CUBN: variants seen among roughly 807,000 people sequenced by gnomAD.
CUBN encodes cubilin, also known as 460 kDa receptor.
In CUBN, 282 loss-of-function variants were observed where a neutral mutation model predicts 405.3. That is an observed-to-expected ratio of 0.70 (90% confidence interval 0.63 to 0.77). CUBN has a LOEUF of 0.77. Ranked by LOEUF, CUBN falls within the 30% of genes least tolerant of loss-of-function variation. CUBN has a pLI of 0.00. For synonymous variants in CUBN, 1,684 were observed against 1,617.0 expected (o/e 1.04, Z -0.99); for missense variants, 4,514 against 4,475.2 (o/e 1.01, Z -0.25).
At chr10:16,992,409 AG>A (rs912790764) in intron 28 of CUBN, among the ~76,000 whole-genome samples, 4 of 151,346 alleles carry the variant, frequency 2.6e-5, no homozygotes, top group Non-Finnish European at 5.9e-5. Flanking sequence ...ATAAAATAAA[AG>A]TAACAGTGCC....
intron 41 of CUBN, among the ~76,000 whole-genome samples, chr10:16,927,347 G>A (rs1483620075): frequency 6.6e-6 from 1 of 152,148 alleles, no homozygotes; most frequent in African/African-American, 2.4e-5. Flanking sequence ...AATTGTAGAG[G>A]TGAAAATGTA....
intron 6 of CUBN, among the ~76,000 whole-genome samples, chr10:17,120,005 A>G (rs1374913198): frequency 1.3e-5 from 2 of 152,228 alleles, no homozygotes; most frequent in Admixed American, 6.5e-5. Context: ...AAAGAGCTCA[A>G]AGAGTTAAAG....
At chr10:16,856,485 G>A (rs756259298) in intron 59 of CUBN, among the ~76,000 whole-genome samples, 4 of 152,138 alleles carry the variant, frequency 2.6e-5, no homozygotes, top group Non-Finnish European at 2.9e-5. Context: ...ATCGGTAACC[G>A]AATCCTGAAT....
At chr10:16,946,915 T>C (rs1421418192) in intron 36 of CUBN, among the ~76,000 whole-genome samples, 1 of 152,088 alleles carries the variant, frequency 6.6e-6, no homozygotes, top group East Asian at 1.9e-4. Flanking sequence ...ATACTAGTGA[T>C]TCCCTGGAAG....
intron 50 of CUBN, among the ~76,000 whole-genome samples, chr10:16,904,691 C>T (rs1841507899): frequency 6.6e-6 from 1 of 152,190 alleles, no homozygotes; most frequent in South Asian, 2.1e-4. Context: ...TCTTTTTATT[C>T]TGTCAGATAA....
chr10:17,127,708 G>A (rs1837230736), intron 3 of CUBN, 121 bp downstream of exon 3: 2 of 673,270 alleles, frequency 3.0e-6, no homozygotes, highest in Non-Finnish European at 5.3e-6. Context: ...CAAACAGTGA[G>A]TAGTTACATG....
chr10:17,006,442 A>G (rs989393456), intron 28 of CUBN, among the ~76,000 whole-genome samples: 1 of 152,104 alleles, frequency 6.6e-6, no homozygotes, highest in Admixed American at 6.5e-5. Flanking sequence ...AAAAGATAAA[A>G]CCTTTGTCTT....
At chr10:17,105,059 C>T (rs1235192002) in intron 11 of CUBN, among the ~76,000 whole-genome samples, 2 of 151,826 alleles carry the variant, frequency 1.3e-5, no homozygotes, top group Admixed American at 1.3e-4. Context: ...CCTCACCCTC[C>T]CAAAGTGTTG....
chr10:16,887,891 G>A (rs750855170), intron 56 of CUBN, among the ~76,000 whole-genome samples: 2 of 152,164 alleles, frequency 1.3e-5, no homozygotes, highest in Non-Finnish European at 2.9e-5. Context: ...ATACTCTTTG[G>A]CCTTAAAAAA....
At chr10:16,978,745 T>C (rs1480473309) in intron 31 of CUBN, among the ~76,000 whole-genome samples, 1 of 152,110 alleles carries the variant, frequency 6.6e-6, no homozygotes, top group East Asian at 1.9e-4. Flanking sequence ...AAATGAAAGA[T>C]GAAAAACTTT....
chr10:17,003,712 C>A (rs7922356), intron 28 of CUBN, among the ~76,000 whole-genome samples: 20,487 of 152,166 alleles, frequency 0.13, 1,461 homozygotes, highest in African/African-American at 0.18. Flanking sequence ...TTTATCACAG[C>A]ACTGGCCACA....
chr10:17,118,117 T>A (rs1465298498), intron 6 of CUBN, among the ~76,000 whole-genome samples: 1 of 152,190 alleles, frequency 6.6e-6, no homozygotes, highest in Admixed American at 6.5e-5. Context: ...GGGAGATGAG[T>A]AGGCATTAAT....
intron 63 of CUBN, among the ~76,000 whole-genome samples, 198 bp from the exon 64 acceptor site, chr10:16,835,393 G>A (rs977078064): frequency 1.3e-5 from 2 of 152,180 alleles, no homozygotes; most frequent in East Asian, 1.9e-4. Context: ...CAGGTGCAAT[G>A]CAACAGCTCG....
chr10:17,030,717 G>A (rs1252891115), intron 27 of CUBN, among the ~76,000 whole-genome samples: 28 of 150,844 alleles, frequency 1.9e-4, no homozygotes, highest in Non-Finnish European at 1.5e-5. Flanking sequence ...TCGGCAGTTC[G>A]AGACCAGCCT....
chr10:17,115,579 C>G lies in CUBN; in HGVS notation c.612G>C (p.Glu204Asp). The change falls in exon 7 of 67, where the codon GAG (glutamate) becomes GAC (aspartate). Residue 204 changes from glutamate (E) to aspartate (D), a missense_variant. Transcript: ENST00000377833. Reference sequence around the variant, plus strand: ...TGGATGCACACTGGGGTCCGTACGTCTCAGGTGGGCAGTGACAACTGTTGG... The same window carrying G: ...TGGATGCACACTGGGGTCCGTACGTGTCAGGTGGGCAGTGACAACTGTTGG... ...MGSYSCHCPP[E>D]TYGPQCASKY... is the part of the protein sequence containing the mutation. 2 of 1,614,206 alleles carry G rather than the reference C, an allele frequency of 1.2e-6. No individual in the cohort carries two copies. Among genetic ancestry groups the G allele is most frequent in the Non-Finnish European group, 1.7e-6 (2 of 1,180,028 alleles).
Position 16,828,986 on chromosome 10 carries a change from G to A in CUBN, c.10583C>T (p.Pro3528Leu). Reference protein sequence around the residue: ...DRGSFTSPGYPGTYPNNTYCE... With the variant: ...DRGSFTSPGYLGTYPNNTYCE... ...GTACGTGTTGTTTGGGTATGTGCCT[G>A]GATAGCCGGGGCTGGTGAATGAGCC... Residue 3528 changes from proline to leucine, a missense_variant, in exon 66 of 67, where the codon CCA becomes CTA. Transcript: ENST00000377833. 1 of 1,614,190 alleles carries A rather than the reference G, an allele frequency of 6.2e-7. No homozygotes were observed. Among genetic ancestry groups the A allele is most frequent in the South Asian group, 1.1e-5 (1 of 91,082 alleles).
intron 10 of CUBN, among the ~76,000 whole-genome samples, chr10:17,106,121 C>A (rs1053089964): frequency 6.6e-6 from 1 of 151,824 alleles, no homozygotes; most frequent in African/African-American, 2.4e-5. Context: ...CCTGTCTCTA[C>A]TAAAAATACA....
intron 27 of CUBN, 79 bp downstream of exon 27, chr10:17,040,952 TAA>T: frequency 7.1e-7 from 1 of 1,402,178 alleles, no homozygotes; most frequent in Non-Finnish European, 1.0e-6. Context: ...GATTTTATTC[TAA>T]AAAGCATGAT....
chr10:17,055,490 C>T (rs1420826526), intron 22 of CUBN, among the ~76,000 whole-genome samples: 1 of 151,988 alleles, frequency 6.6e-6, no homozygotes, highest in Admixed American at 6.6e-5. Flanking sequence ...TTAACTTATT[C>T]ACAGTTATTG....
Sources: gnomAD v4.1 joint callset for allele counts (sites outside exome capture counted in the v4.1 genomes callset) on GRCh38, gnomAD v4.1.1 for gene constraint, MANE v1.5 for transcripts, NCBI Gene and HGNC (gene_info 2026-07-23, HGNC 2026-07-21) for gene names.